PSMA5: variants seen among roughly 807,000 people sequenced by gnomAD.
PSMA5 encodes proteasome subunit alpha type-5.
In PSMA5, 3 loss-of-function variants were observed where a neutral mutation model predicts 34.5. The ratio of observed to expected loss-of-function variants is 0.09; its 90% confidence interval spans 0.04 to 0.22. The LOEUF (loss-of-function observed/expected upper bound fraction) is 0.22. Ranked by LOEUF, PSMA5 falls within the 10% of genes least tolerant of loss-of-function variation. The pLI is 1.00. For missense variants in PSMA5, 120 were observed against 286.1 expected, an observed-to-expected ratio of 0.42 and a Z score of 4.19; for synonymous variants, 88 against 95.8, an observed-to-expected ratio of 0.92 and a Z score of 0.47.
intron 2 of PSMA5, among the ~76,000 whole-genome samples, chr1:109,420,482 T>A (rs1168267916): frequency 6.6e-6 from 1 of 152,230 alleles, no homozygotes; most frequent in Non-Finnish European, 1.5e-5. Context: ...ACCTAGATGA[T>A]GCAGGCCTCA....
In PSMA5 at chr1:109,426,180, C is replaced by T. The variant is rs954342229; in HGVS notation, c.29+122G>A. 1.4e-5 allele frequency: 19 copies of T among 1,353,220 alleles called. No homozygotes were observed. In the African/African-American group the frequency reaches 2.0e-4, roughly 14 times the overall value. The allele number at this position is 1,353,220 out of a possible 1,614,324, so 83.8% of individuals were successfully genotyped here. ...GGCGCCTGAGGAGGGCATAACATCC[C>T]CAGGTCCGGCCAGTCTCGGGTTCCT... On this transcript the variant is annotated intron_variant, in intron 1 of 8. Coordinates refer to ENST00000271308, the MANE Select transcript of PSMA5 (RefSeq NM_002790.4).
At chr1:109,415,153 A>C in intron 3 of PSMA5, 84 bp downstream of exon 3, 2 of 1,447,978 alleles carry the variant, frequency 1.4e-6, no homozygotes, top group Non-Finnish European at 1.8e-6. Context: ...TAACGTGTTC[A>C]TTTCATAAAC....
chr1:109,409,435 G>A (rs535332702), intron 8 of PSMA5, among the ~76,000 whole-genome samples: 1 of 152,364 alleles, frequency 6.6e-6, no homozygotes, highest in South Asian at 2.1e-4. Flanking sequence ...GGGATTACAG[G>A]CGTGAGCCAC....
At position 109,400,559 on chromosome 1, in the gene PSMA5, A is replaced by AT. The variant is rs1256807441; in HGVS notation, c.*1453dup. ...TCTCCCCATCAACATGCTATACTTAATAAGTGTTAAAATCACTAGAAGTCT... is the reference window on the plus strand; with the variant it reads ...TCTCCCCATCAACATGCTATACTTAATTAAGTGTTAAAATCACTAGAAGTCT... On this transcript the variant is annotated 3_prime_UTR_variant, in exon 9 of 9. Coordinates refer to ENST00000271308, the MANE Select transcript of PSMA5 (RefSeq NM_002790.4). 2.0e-5 allele frequency: 3 copies of AT among 152,256 alleles called. No individual in the cohort carries two copies. Among genetic ancestry groups the AT allele is most frequent in the African/African-American group, 7.2e-5 (3 of 41,470 alleles). The allele number at this position is 152,256 out of a possible 1,614,324, so 9.4% of individuals were successfully genotyped here.
At chr1:109,403,880 C>A (rs1653642966) in intron 8 of PSMA5, among the ~76,000 whole-genome samples, 1 of 152,102 alleles carries the variant, frequency 6.6e-6, no homozygotes. Context: ...CTTGTAGTCT[C>A]CTCTAGATTC....
intron 3 of PSMA5, chr1:109,414,701 C>G (rs1281934937): frequency 6.6e-6 from 1 of 152,238 alleles, no homozygotes; most frequent in Non-Finnish European, 1.5e-5. Context: ...CTGATGCCTT[C>G]AAGCAATTAA....
chr1:109,419,972 C>CAAA (rs1159333248), intron 2 of PSMA5, among the ~76,000 whole-genome samples: 7 of 62,022 alleles, frequency 1.1e-4, no homozygotes, highest in African/African-American at 3.9e-4. Context: ...GACTCTGTCT[C>CAAA]AAAAAAAAAA....
chr1:109,421,797 G>A, intron 2 of PSMA5, 63 bp downstream of exon 2: 1 of 1,322,890 alleles, frequency 7.6e-7, no homozygotes, highest in South Asian at 1.4e-5. Flanking sequence ...TACTCCAAGT[G>A]TTCTGCCAGC....
intron 8 of PSMA5, among the ~76,000 whole-genome samples, chr1:109,409,638 G>A (rs2100959476): frequency 6.6e-6 from 1 of 152,326 alleles, no homozygotes; most frequent in East Asian, 1.9e-4. Flanking sequence ...AAACAGCCAG[G>A]TGCAGTGGCT....
At chr1:109,410,579 T>C (rs1201919959) in intron 7 of PSMA5, among the ~76,000 whole-genome samples, 1 of 152,216 alleles carries the variant, frequency 6.6e-6, no homozygotes. Flanking sequence ...AAATGCCCAC[T>C]TGCTTCAAGA....
Position 109,426,056 on chromosome 1 carries a change from C to G in PSMA5, c.29+246G>C. 3 of 580,848 alleles carry G rather than the reference C, an allele frequency of 5.2e-6. No homozygotes were observed. In the South Asian group the frequency reaches 6.4e-5, roughly 12 times the overall value. 36.0% of individuals were successfully genotyped at this position (580,848 alleles called of 1,614,324 possible). On this transcript the variant is annotated intron_variant, in intron 1 of 8. Coordinates refer to ENST00000271308, the MANE Select transcript of PSMA5 (RefSeq NM_002790.4). Reference sequence around the variant, plus strand: ...TCCTCACGCCTTCTTTACCAAGCACCAGCCGGAGCTTCTCGCTTCCGCACC... The same window carrying G: ...TCCTCACGCCTTCTTTACCAAGCACGAGCCGGAGCTTCTCGCTTCCGCACC...
chr1:109,407,331 T>C (rs1474020594), intron 8 of PSMA5, among the ~76,000 whole-genome samples: 2 of 152,164 alleles, frequency 1.3e-5, no homozygotes, highest in East Asian at 3.9e-4. Context: ...GTAGGGAGGC[T>C]GGAGCTCCAA....
At chr1:109,412,287 G>A (rs1348893568) in intron 4 of PSMA5, 103 bp from the exon 5 acceptor site, 1 of 943,944 alleles carries the variant, frequency 1.1e-6, no homozygotes, top group African/African-American at 1.6e-5. Context: ...AAAACTGAAG[G>A]CTCAAATGTG....
intron 8 of PSMA5, among the ~76,000 whole-genome samples, chr1:109,403,369 AC>A (rs1653611815): frequency 6.6e-6 from 1 of 151,532 alleles, no homozygotes; most frequent in Non-Finnish European, 1.5e-5. Context: ...CATGCTTGTA[AC>A]CCCAGCACTT....
Position 109,410,022 on chromosome 1 carries a change from C to T in PSMA5, c.562-8G>A, listed in dbSNP as rs1653929858. On this transcript the variant is annotated splice_polypyrimidine_tract_variant and splice_region_variant and intron_variant, in intron 7 of 8. Coordinates refer to ENST00000271308, the MANE Select transcript of PSMA5 (RefSeq NM_002790.4). Reference sequence around the variant, plus strand: ...TTCTTTCAAAGTCATAGACTTGAAACAAAGAAGGCAAGAAGATGCCTATTA... The same window carrying T: ...TTCTTTCAAAGTCATAGACTTGAAATAAAGAAGGCAAGAAGATGCCTATTA... 1.3e-6 allele frequency: 2 copies of T among 1,556,950 alleles called. No individual in the cohort carries two copies. Among genetic ancestry groups the T allele is most frequent in the Non-Finnish European group, 1.8e-6 (2 of 1,135,082 alleles).
chr1:109,421,790 T>G, intron 2 of PSMA5, 70 bp downstream of exon 2: 1 of 1,250,654 alleles, frequency 8.0e-7, no homozygotes. Flanking sequence ...CCACATTTAC[T>G]CCAAGTGTTC....
At chr1:109,419,794 G>A (rs1167956576) in intron 2 of PSMA5, among the ~76,000 whole-genome samples, 2 of 99,446 alleles carry the variant, frequency 2.0e-5, no homozygotes, top group African/African-American at 4.7e-5. Context: ...GTGAGACTCC[G>A]TCTCAAAAAA....
At chr1:109,405,523 C>T (rs1326014919) in intron 8 of PSMA5, among the ~76,000 whole-genome samples, 14 of 150,194 alleles carry the variant, frequency 9.3e-5, no homozygotes, top group African/African-American at 2.9e-4. Context: ...CTGCAACCTC[C>T]GCCTCCTGGG....
chr1:109,426,407 G>A lies in PSMA5; in HGVS notation c.-77C>T, dbSNP rs1654668444. The A allele has an allele frequency of 1.3e-6, 2 of 1,571,586 alleles. No individual in the cohort carries two copies. The highest frequency in any genetic ancestry group is 4.5e-5 in the East Asian group (2 of 44,564). ...GACTCCACCGGCACCCAACTCACCG[G>A]CAGCCAACTCACCCACACGGCCGCA... On this transcript the variant is annotated 5_prime_UTR_variant, in exon 1 of 9. Transcript: ENST00000271308.
Sources: gnomAD v4.1 joint callset for allele counts (sites outside exome capture counted in the v4.1 genomes callset) on GRCh38, gnomAD v4.1.1 for gene constraint, MANE v1.5 for transcripts, NCBI Gene and HGNC (gene_info 2026-07-23, HGNC 2026-07-21) for gene names.